BCAS4: variants seen among roughly 807,000 people sequenced by gnomAD.
BCAS4 encodes breast carcinoma-amplified sequence 4.
A neutral mutation model predicts 15.7 loss-of-function variants in BCAS4; 9 were observed. The ratio of observed to expected loss-of-function variants is 0.57; its 90% CI spans 0.34 to 1.00. The LOEUF (loss-of-function observed/expected upper bound fraction) is 1.00. Ranked by LOEUF, BCAS4 falls within the 50% of genes least tolerant of loss-of-function variation. The probability of loss-of-function intolerance (pLI) is 0.02; values close to 1 mark genes in which losing one functional copy is unlikely to be tolerated. For synonymous variants in BCAS4, 101 were observed against 99.5 expected, an observed-to-expected ratio of 1.02 and a Z score of -0.09; for missense variants, 225 against 239.1, an observed-to-expected ratio of 0.94 and a Z score of 0.39.
intron 2 of BCAS4, 33 bp downstream of exon 2, chr20:50,818,315 C>CCTGGAAGGCGTGGGTTTAGGA: frequency 6.3e-7 from 1 of 1,597,234 alleles, no homozygotes; most frequent in Non-Finnish European, 8.5e-7. Context: ...TGGGTTTAGG[C>CCTGGAAGGCGTGGGTTTAGGA]CCAGGCCAGA....
intron 1 of BCAS4, among the ~76,000 whole-genome samples, chr20:50,795,957 C>G (rs184443886): frequency 5.3e-4 from 81 of 152,298 alleles, no homozygotes; most frequent in African/African-American, 1.9e-3. Flanking sequence ...GCCAGTGGTC[C>G]CAGCATTCTG....
intron 4 of BCAS4, among the ~76,000 whole-genome samples, chr20:50,870,689 TC>T (rs1225017077): frequency 6.6e-6 from 1 of 152,250 alleles, no homozygotes; most frequent in African/African-American, 2.4e-5. Flanking sequence ...TCACGGGAAA[TC>T]TGATTTTTAC....
chr20:50,843,710 G>T (rs1396633252), intron 4 of BCAS4, among the ~76,000 whole-genome samples: 2 of 152,226 alleles, frequency 1.3e-5, no homozygotes, highest in African/African-American at 4.8e-5. Flanking sequence ...CCTGTGAGAA[G>T]CCCTCTGGGA....
chr20:50,828,038 T>TAA (rs2088300298), intron 2 of BCAS4, among the ~76,000 whole-genome samples: 1 of 151,912 alleles, frequency 6.6e-6, no homozygotes, highest in African/African-American at 2.4e-5. Context: ...TTCAAAAATT[T>TAA]TTTTTTTTTT....
intron 3 of BCAS4, among the ~76,000 whole-genome samples, chr20:50,833,188 T>C (rs1050901415): frequency 2.0e-5 from 3 of 151,954 alleles, no homozygotes; most frequent in Middle Eastern, 3.4e-3. Flanking sequence ...AAGGAGGAGA[T>C]TGGGATGTTG....
chr20:50,801,645 C>T (rs1233589881), intron 1 of BCAS4, among the ~76,000 whole-genome samples: 1 of 152,150 alleles, frequency 6.6e-6, no homozygotes, highest in Admixed American at 6.5e-5. Flanking sequence ...CTGGCCTCTT[C>T]CTTAAATTGT....
In BCAS4 at chr20:50,841,901, G is replaced by GTT; in HGVS notation, c.399+2_399+3insTT. On this transcript the variant is annotated splice_donor_variant, in intron 4 of 4. Coordinates refer to ENST00000371608, the MANE Select transcript of BCAS4 (RefSeq NM_198799.4). LOFTEE classifies it high-confidence loss of function. ...CGCAGGGCTCCCCTCCTTCAGGAAC[G>GTT]TGAGTATCCTGCCCCGAGAAGTGAG... The GTT allele has an allele frequency of 6.3e-7, 1 of 1,575,592 alleles. No individual in the cohort carries two copies. Among genetic ancestry groups the GTT allele is most frequent in the Non-Finnish European group, 8.6e-7 (1 of 1,159,512 alleles).
intron 4 of BCAS4, among the ~76,000 whole-genome samples, chr20:50,866,236 G>T (rs1979352033): frequency 6.6e-6 from 1 of 152,224 alleles, no homozygotes; most frequent in Admixed American, 6.5e-5. Flanking sequence ...CGTGGTGGGG[G>T]CCCCAGGTCA....
intron 4 of BCAS4, among the ~76,000 whole-genome samples, chr20:50,872,788 C>T (rs1979723027): frequency 6.6e-6 from 1 of 152,202 alleles, no homozygotes; most frequent in Non-Finnish European, 1.5e-5. Flanking sequence ...GTTACTCACC[C>T]ACGTGTCTCC....
At chr20:50,835,306 G>A (rs556713037) in intron 3 of BCAS4, among the ~76,000 whole-genome samples, 1 of 148,678 alleles carries the variant, frequency 6.7e-6, no homozygotes, top group Non-Finnish European at 1.5e-5. Context: ...GTGCAGTGGT[G>A]CAGTCTCGGC....
intron 2 of BCAS4, among the ~76,000 whole-genome samples, chr20:50,824,229 A>G (rs1356924601): frequency 1.3e-5 from 2 of 152,214 alleles, no homozygotes. Context: ...CAAGGAGCAG[A>G]GTCTTACTTC....
intron 1 of BCAS4, among the ~76,000 whole-genome samples, chr20:50,810,785 T>C (rs2088051842): frequency 6.6e-6 from 1 of 151,926 alleles, no homozygotes; most frequent in Admixed American, 6.6e-5. Flanking sequence ...AGAGACGGGG[T>C]TTCACCATGT....
chr20:50,803,957 C>T (rs969549939), intron 1 of BCAS4, among the ~76,000 whole-genome samples: 48 of 152,232 alleles, frequency 3.2e-4, no homozygotes, highest in African/African-American at 1.0e-3. Context: ...TCTGATTGGT[C>T]TGTTGGAAAA....
At chr20:50,811,234 G>A (rs1442855223) in intron 1 of BCAS4, among the ~76,000 whole-genome samples, 1 of 152,064 alleles carries the variant, frequency 6.6e-6, no homozygotes, top group East Asian at 1.9e-4. Flanking sequence ...GCATGGTGGT[G>A]CCCATCTGTA....
chr20:50,817,268 A>G (rs949681866), intron 1 of BCAS4, among the ~76,000 whole-genome samples: 1 of 152,160 alleles, frequency 6.6e-6, no homozygotes, highest in Non-Finnish European at 1.5e-5. Context: ...AAAAAATTCA[A>G]GTTTCCCTTG....
At chr20:50,862,428 CAG>C (rs1979131925) in intron 4 of BCAS4, among the ~76,000 whole-genome samples, 1 of 152,200 alleles carries the variant, frequency 6.6e-6, no homozygotes, top group African/African-American at 2.4e-5. Context: ...TTTTCACTCT[CAG>C]GGGCCTGGAT....
At chr20:50,813,549 GC>G (rs1299604574) in intron 1 of BCAS4, among the ~76,000 whole-genome samples, 6 of 152,128 alleles carry the variant, frequency 3.9e-5, no homozygotes, top group Non-Finnish European at 8.8e-5. Flanking sequence ...GAGAAGATTT[GC>G]TGGCACATTG....
chr20:50,871,933 A>T (rs900918987), intron 4 of BCAS4, among the ~76,000 whole-genome samples: 2 of 152,120 alleles, frequency 1.3e-5, no homozygotes, highest in South Asian at 4.1e-4. Context: ...AGCTGCTCGG[A>T]TGGGGAGTTG....
At chr20:50,796,008 G>A (rs1600838450) in intron 1 of BCAS4, among the ~76,000 whole-genome samples, 1 of 151,526 alleles carries the variant, frequency 6.6e-6, no homozygotes, top group Non-Finnish European at 1.5e-5. Context: ...GGGGATAGGG[G>A]ACGGGGAAGA....
Sources: allele counts gnomAD v4.1 joint callset (sites outside exome capture counted in the v4.1 genomes callset), GRCh38; gene constraint gnomAD v4.1.1; transcripts MANE v1.5; gene names NCBI Gene and HGNC (gene_info 2026-07-23, HGNC 2026-07-21).